The following FANCC variants were observed in gnomAD, a reference collection of about 807,000 sequenced individuals.
FANCC encodes Fanconi anemia group C protein.
Under a neutral mutation model 71.3 loss-of-function variants are expected in FANCC, and 55 were observed. The ratio of observed to expected loss-of-function variants is 0.77; its 90% confidence interval spans 0.62 to 0.97. The LOEUF is 0.97. FANCC is among the 50% of genes least tolerant of loss of function. The pLI is 0.00. For synonymous variants in FANCC, 275 were observed against 244.9 expected, an observed-to-expected ratio of 1.12 and a Z score of -1.15; for missense variants, 678 against 670.9, an observed-to-expected ratio of 1.01 and a Z score of -0.12.
chr9:95,255,571 T>C (rs1417385647), intron 1 of FANCC, among the ~76,000 whole-genome samples: 3 of 152,084 alleles, frequency 2.0e-5, no homozygotes, highest in East Asian at 1.9e-4. Context: ...CAAAGGTAGA[T>C]AAATCCATGA....
chr9:95,203,264 T>A (rs1167042053), intron 4 of FANCC, among the ~76,000 whole-genome samples: 1 of 150,842 alleles, frequency 6.6e-6, no homozygotes, highest in Admixed American at 6.7e-5. Flanking sequence ...CTGGGCATGG[T>A]GGCATGTGCC....
At chr9:95,126,478 A>G (rs1825992574) in intron 9 of FANCC, 51 bp downstream of exon 9, 2 of 1,547,668 alleles carry the variant, frequency 1.3e-6, no homozygotes, top group Non-Finnish European at 1.8e-6. Context: ...TCATGCTTGG[A>G]AATGGAACCT....
chr9:95,132,469 C>T (rs1462312530), intron 8 of FANCC, among the ~76,000 whole-genome samples: 6 of 152,098 alleles, frequency 3.9e-5, no homozygotes, highest in East Asian at 1.9e-4. Flanking sequence ...TATGGTCTTC[C>T]CGTGCCCATG....
At chr9:95,161,848 T>C (rs1319215981) in intron 6 of FANCC, among the ~76,000 whole-genome samples, 6 of 149,888 alleles carry the variant, frequency 4.0e-5, no homozygotes, top group East Asian at 2.0e-4. Flanking sequence ...TTTTCTTTTT[T>C]TTTTTTTTTT....
chr9:95,300,134 T>C (rs1834632027), intron 1 of FANCC, among the ~76,000 whole-genome samples: 3 of 152,244 alleles, frequency 2.0e-5, no homozygotes, highest in Admixed American at 1.3e-4. Flanking sequence ...CTTAATATCT[T>C]GTTTTATATT....
intron 3 of FANCC, among the ~76,000 whole-genome samples, chr9:95,245,855 C>T (rs1830935408): frequency 6.6e-6 from 1 of 151,178 alleles, no homozygotes; most frequent in Non-Finnish European, 1.5e-5. Context: ...CGAGATAGTG[C>T]CATTGCACTC....
rs56187288 is a variant in FANCC, at chr9:95,311,709, CTGTG to C, written c.-79+5813_-79+5816del. On this transcript the variant is annotated intron_variant, in intron 1 of 14. Transcript: ENST00000289081. The stretch of plus-strand genomic sequence containing the variant: ...ATTGTTTAAATAGTCTCCTCTGAAT[CTGTG>C]TGTGTGTGTGTGTGTGTGTGTGTGT... Among the ~76,000 whole-genome samples, 1,111 of 144,576 alleles carry C rather than the reference CTGTG, an allele frequency of 7.7e-3. 17 individuals are homozygous for C. The highest frequency in any genetic ancestry group is 0.074 in the South Asian group (324 of 4,374). 94.8% of individuals were successfully genotyped at this position (144,576 alleles called of 152,430 possible).
intron 6 of FANCC, 59 bp downstream of exon 6, chr9:95,171,020 C>T (rs1825643752): frequency 7.2e-7 from 1 of 1,382,136 alleles, no homozygotes; most frequent in South Asian, 1.2e-5. Flanking sequence ...ATTTTCCTCT[C>T]ATAACCAAAC....
intron 4 of FANCC, among the ~76,000 whole-genome samples, chr9:95,174,471 G>T (rs1349439971): frequency 2.0e-5 from 3 of 151,860 alleles, no homozygotes; most frequent in African/African-American, 7.3e-5. Flanking sequence ...AGTTTCTAGG[G>T]TGGTGCTAGA....
rs149672087 is a variant in FANCC at position 95,129,587 on chromosome 9, C to T, written c.844-3006G>A. ...GCGGCCATTATCTTTTCTATAAAAGCGGGGAAATAAAATAAACCTTTTGTG... is the reference window on the plus strand; with the variant it reads ...GCGGCCATTATCTTTTCTATAAAAGTGGGGAAATAAAATAAACCTTTTGTG... On this transcript the variant is annotated intron_variant, in intron 8 of 14. Transcript: ENST00000289081. Among the ~76,000 whole-genome samples, 13 of 152,260 alleles carry T rather than the reference C, an allele frequency of 8.5e-5. No homozygotes were observed. In the East Asian group the frequency reaches 2.5e-3, roughly 29 times the overall value.
At chr9:95,269,116 C>T (rs1376086605) in intron 1 of FANCC, among the ~76,000 whole-genome samples, 1 of 152,134 alleles carries the variant, frequency 6.6e-6, no homozygotes, top group Non-Finnish European at 1.5e-5. Context: ...AAGCAGCATG[C>T]CTTCTTATTC....
intron 6 of FANCC, among the ~76,000 whole-genome samples, chr9:95,160,427 A>G (rs1029826530): frequency 2.0e-5 from 3 of 151,086 alleles, no homozygotes; most frequent in Non-Finnish European, 1.5e-5. Flanking sequence ...TTTGGTTACT[A>G]CAGACTTGTA....
intron 10 of FANCC, among the ~76,000 whole-genome samples, chr9:95,121,008 C>T (rs897760893): frequency 1.3e-5 from 2 of 152,178 alleles, no homozygotes; most frequent in Admixed American, 1.3e-4. Flanking sequence ...TGGGGGGAGG[C>T]AGGAGACCTC....
chr9:95,158,946 C>G (rs1452017245), intron 6 of FANCC, among the ~76,000 whole-genome samples: 1 of 152,058 alleles, frequency 6.6e-6, no homozygotes, highest in Non-Finnish European at 1.5e-5. Context: ...TAAGAGACTG[C>G]ATCAAGCAAT....
intron 1 of FANCC, among the ~76,000 whole-genome samples, chr9:95,314,590 T>G (rs940682044): frequency 1.3e-5 from 2 of 151,782 alleles, no homozygotes; most frequent in Admixed American, 6.6e-5. Context: ...AGGCGGAGAT[T>G]GCAGTGAGCC....
chr9:95,273,466 C>T (rs529614924), intron 1 of FANCC, among the ~76,000 whole-genome samples: 39 of 152,266 alleles, frequency 2.6e-4, no homozygotes, highest in African/African-American at 9.1e-4. Context: ...ATGAACAACA[C>T]CCAAGGAAAG....
intron 14 of FANCC, among the ~76,000 whole-genome samples, chr9:95,104,861 C>T (rs924102730): frequency 2.0e-5 from 3 of 152,178 alleles, no homozygotes; most frequent in Non-Finnish European, 4.4e-5. Context: ...CCCCACTGCC[C>T]CTCCCCAGCC....
chr9:95,307,238 T>A (rs1320932085), intron 1 of FANCC, among the ~76,000 whole-genome samples: 2 of 152,202 alleles, frequency 1.3e-5, no homozygotes, highest in Non-Finnish European at 2.9e-5. Flanking sequence ...GAATCCCATA[T>A]AATCTATATG....
intron 6 of FANCC, among the ~76,000 whole-genome samples, chr9:95,162,437 G>C (rs970708125): frequency 2.6e-5 from 4 of 152,158 alleles, no homozygotes; most frequent in African/African-American, 9.7e-5. Flanking sequence ...ATATCTCTTA[G>C]AGATTTTGTT....
Sources: gnomAD v4.1 joint callset for allele counts (sites outside exome capture counted in the v4.1 genomes callset) on GRCh38, gnomAD v4.1.1 for gene constraint, MANE v1.5 for transcripts, NCBI Gene and HGNC (gene_info 2026-07-23, HGNC 2026-07-21) for gene names.